Variants in ANKRD17 observed in about 807,000 individuals in gnomAD.
The protein encoded by ANKRD17 is ankyrin repeat domain 17, also known as ankyrin repeat domain-containing protein 17.
In ANKRD17, 19 loss-of-function variants were observed where a neutral mutation model predicts 229.7. The observed-to-expected ratio is 0.08, with a 90% CI of 0.06 to 0.12. The LOEUF (loss-of-function observed/expected upper bound fraction) is 0.12. Ranked by LOEUF, ANKRD17 falls within the 10% of genes least tolerant of loss-of-function variation. The probability of loss-of-function intolerance (pLI) is 1.00; values close to 1 mark genes in which losing one functional copy is unlikely to be tolerated. For missense variants in ANKRD17, 2,176 were observed against 3,176.8 expected (o/e 0.68, Z 7.57); for synonymous variants, 1,112 against 1,146.1 (o/e 0.97, Z 0.60).
chr4:73,237,701 T>C lies in ANKRD17; in HGVS notation c.393+20575A>G, dbSNP rs75638026. 1.9e-3 allele frequency among the ~76,000 whole-genome samples: 285 copies of C among 152,288 alleles called. 1 individual carries two copies. The highest frequency in any genetic ancestry group is 6.6e-3 in the African/African-American group (273 of 41,552). On this transcript the variant is annotated intron_variant, in intron 1 of 33. Transcript: ENST00000358602. Reference sequence around the variant, plus strand: ...ACCCTAGTATTATCTGCTAAGCCTATAGCAGAGACGCCATAGGCATATGGT... The same window carrying C: ...ACCCTAGTATTATCTGCTAAGCCTACAGCAGAGACGCCATAGGCATATGGT...
intron 15 of ANKRD17, 26 bp from the exon 16 acceptor site, chr4:73,135,291 A>G: frequency 1.3e-6 from 2 of 1,597,100 alleles, no homozygotes; most frequent in African/African-American, 2.7e-5. Context: ...ACTGCACTTA[A>G]TAAGGATGAA....
At position 73,075,893 on chromosome 4, in the gene ANKRD17, T is replaced by G. The variant is rs1273816747; in HGVS notation, c.*338A>C. 5.1e-6 allele frequency: 1 copy of G among 196,706 alleles called. No homozygotes were observed. Among genetic ancestry groups the G allele is most frequent in the Non-Finnish European group, 1.0e-5 (1 of 97,436 alleles). The allele number at this position is 196,706 out of a possible 1,614,324, so 12.2% of individuals were successfully genotyped here. On this transcript the variant is annotated 3_prime_UTR_variant, in exon 34 of 34. Coordinates refer to ENST00000358602, the MANE Select transcript of ANKRD17 (RefSeq NM_032217.5). ...CTTCAGGATCAAGTTTACATAATTT[T>G]GCTAAATTTCCGTGTTTGCTCAGAA... is the stretch of plus-strand genomic sequence containing the variant.
In ANKRD17 at chr4:73,074,992, CTG is replaced by C. The variant is rs1410011734; in HGVS notation, c.*1237_*1238del. 6.6e-6 allele frequency: 1 copy of C among 152,392 alleles called. No individual in the cohort carries two copies. The highest frequency in any genetic ancestry group is 2.4e-5 in the African/African-American group (1 of 41,404). The allele number at this position is 152,392 out of a possible 1,614,324, so 9.4% of individuals were successfully genotyped here. A position where few individuals can be genotyped will look rare whatever the true frequency, so the allele number is the denominator to read the frequency against. On this transcript the variant is annotated 3_prime_UTR_variant, in exon 34 of 34. Transcript: ENST00000358602. ...TTAAATGGAGACTTTACACTGTAATCTGTGTATTTATCTGTCTACCATAAATT... is the reference window on the plus strand; with the variant it reads ...TTAAATGGAGACTTTACACTGTAATCTGTATTTATCTGTCTACCATAAATT...
At chr4:73,081,774 A>C (rs931655642) in intron 30 of ANKRD17, among the ~76,000 whole-genome samples, 2 of 152,216 alleles carry the variant, frequency 1.3e-5, no homozygotes, top group Non-Finnish European at 2.9e-5. Context: ...CACTGATACC[A>C]CGGTAACTTC....
intron 29 of ANKRD17, 52 bp downstream of exon 29, chr4:73,090,615 A>C: frequency 6.3e-7 from 1 of 1,599,778 alleles, no homozygotes; most frequent in Admixed American, 1.8e-5. Flanking sequence ...AAGAATTTTC[A>C]CATCACTTGT....
chr4:73,205,963 G>C (rs550330022), intron 1 of ANKRD17, among the ~76,000 whole-genome samples: 3 of 152,194 alleles, frequency 2.0e-5, no homozygotes, highest in East Asian at 3.9e-4. Context: ...CATACACATG[G>C]CCAATGGATG....
intron 1 of ANKRD17, among the ~76,000 whole-genome samples, chr4:73,216,783 C>T (rs1286903238): frequency 6.6e-6 from 1 of 152,224 alleles, no homozygotes; most frequent in Non-Finnish European, 1.5e-5. Flanking sequence ...CTACTTACAA[C>T]ACATATCCAA....
chr4:73,167,716 A>G (rs1192428583), intron 2 of ANKRD17, among the ~76,000 whole-genome samples: 1 of 152,222 alleles, frequency 6.6e-6, no homozygotes, highest in Non-Finnish European at 1.5e-5. Context: ...ACTCTTCTGT[A>G]CAAATAGTTT....
intron 2 of ANKRD17, among the ~76,000 whole-genome samples, chr4:73,172,662 C>G (rs1343221229): frequency 2.6e-5 from 4 of 152,104 alleles, no homozygotes; most frequent in Non-Finnish European, 5.9e-5. Flanking sequence ...TAAAAAGTAG[C>G]AGACAAACTT....
rs182785235 is a variant in ANKRD17 at position 73,077,335 on chromosome 4, G to A, written c.7587+20C>T. 6.3e-7 allele frequency: 1 copy of A among 1,585,792 alleles called. No homozygotes were observed. Among genetic ancestry groups the A allele is most frequent in the African/African-American group, 1.4e-5 (1 of 73,708 alleles). ...CAGAAAATCCTCCCTTAAATAACTA[G>A]TACAAAATCAGGACTTTACCCCAAC... is the stretch of plus-strand genomic sequence containing the variant. On this transcript the variant is annotated intron_variant, in intron 32 of 33. Transcript: ENST00000358602.
At chr4:73,147,502 T>A (rs985758561) in intron 8 of ANKRD17, 70 bp from the exon 9 acceptor site, 46 of 1,243,970 alleles carry the variant, frequency 3.7e-5, no homozygotes, top group Non-Finnish European at 4.6e-5. Context: ...AACATGATTG[T>A]TTCTTAATAA....
At chr4:73,117,465 T>A (rs752047473) in intron 22 of ANKRD17, among the ~76,000 whole-genome samples, 79 of 152,162 alleles carry the variant, frequency 5.2e-4, no homozygotes, top group Non-Finnish European at 1.1e-3. Flanking sequence ...GTTAGAAAGA[T>A]TAACTTGATA....
chr4:73,120,431 C>T, intron 20 of ANKRD17, 94 bp from the exon 21 acceptor site: 1 of 1,156,434 alleles, frequency 8.6e-7, no homozygotes, highest in Non-Finnish European at 1.2e-6. Flanking sequence ...GAATATGATA[C>T]AGCTGTTACC....
chr4:73,074,612 T>A lies in ANKRD17; in HGVS notation c.*1619A>T, dbSNP rs1289463136. 3 of 151,930 alleles carry A rather than the reference T, an allele frequency of 2.0e-5. No homozygotes were observed. Among genetic ancestry groups the A allele is most frequent in the African/African-American group, 7.2e-5 (3 of 41,420 alleles). The allele number at this position is 151,930 out of a possible 1,614,324, so 9.4% of individuals were successfully genotyped here. ...TTTGAGAAGTCATCTTTTTACTCTT[T>A]ACTCAGGCTTTACTCTTTACTCAGA... is the stretch of plus-strand genomic sequence containing the variant. On this transcript the variant is annotated 3_prime_UTR_variant, in exon 34 of 34. Coordinates refer to ENST00000358602, the MANE Select transcript of ANKRD17 (RefSeq NM_032217.5).
chr4:73,157,183 GT>G (rs1301535659), intron 3 of ANKRD17, among the ~76,000 whole-genome samples: 1 of 152,050 alleles, frequency 6.6e-6, no homozygotes, highest in Non-Finnish European at 1.5e-5. Context: ...AGTATAAAAT[GT>G]GCAAAACTTC....
intron 7 of ANKRD17, among the ~76,000 whole-genome samples, chr4:73,150,698 A>T (rs1165928187): frequency 6.6e-6 from 1 of 152,246 alleles, no homozygotes; most frequent in Admixed American, 6.5e-5. Flanking sequence ...ATGAGACAAG[A>T]AACTTCAGAT....
chr4:73,255,953 T>A (rs1745414311), intron 1 of ANKRD17, among the ~76,000 whole-genome samples: 1 of 152,218 alleles, frequency 6.6e-6, no homozygotes, highest in Admixed American at 6.5e-5. Flanking sequence ...CTCAAACTCC[T>A]GACCTCAGGT....
chr4:73,161,103 G>C, intron 3 of ANKRD17, 89 bp downstream of exon 3: 1 of 1,482,116 alleles, frequency 6.7e-7, no homozygotes, highest in South Asian at 1.3e-5. Context: ...TGCCAGCCAG[G>C]CACAAAATAA....
chr4:73,100,292 T>TGG (rs2148600760), intron 25 of ANKRD17, among the ~76,000 whole-genome samples: 1 of 152,128 alleles, frequency 6.6e-6, no homozygotes, highest in African/African-American at 2.4e-5. Flanking sequence ...CCAAGGAAGG[T>TGG]GGGGCCCTGC....
Sources: allele counts gnomAD v4.1 joint callset (sites outside exome capture counted in the v4.1 genomes callset), GRCh38; gene constraint gnomAD v4.1.1; transcripts MANE v1.5; gene names NCBI Gene and HGNC (gene_info 2026-07-23, HGNC 2026-07-21).